BRDT: variants seen among roughly 807,000 people sequenced by gnomAD.
The protein encoded by BRDT is bromodomain testis-specific protein.
Under a neutral mutation model 113.9 loss-of-function variants are expected in BRDT, and 77 were observed. The ratio of observed to expected loss-of-function variants is 0.68; its 90% CI spans 0.56 to 0.82. The LOEUF is 0.82. BRDT is among the 40% of genes least tolerant of loss of function. The pLI, the probability that BRDT is intolerant of heterozygous loss-of-function variation, is 0.00. For synonymous variants in BRDT, 358 were observed against 366.5 expected, an observed-to-expected ratio of 0.98 and a Z score of 0.26; for missense variants, 1,027 against 1,105.4, an observed-to-expected ratio of 0.93 and a Z score of 1.01.
At chr1:91,976,821 C>A (rs977508409) in intron 5 of BRDT, among the ~76,000 whole-genome samples, 5 of 152,028 alleles carry the variant, frequency 3.3e-5, no homozygotes, top group African/African-American at 1.2e-4. Context: ...ACAAGACATT[C>A]TTTGGTATGT....
intron 3 of BRDT, 90 bp downstream of exon 3, chr1:91,964,854 A>G (rs757886846): frequency 3.4e-5 from 34 of 998,708 alleles, no homozygotes; most frequent in East Asian, 5.6e-5. Context: ...TCAGATTTCA[A>G]TTCTCTTCGT....
chr1:91,975,104 G>A (rs1199025469), intron 4 of BRDT, among the ~76,000 whole-genome samples: 1 of 152,050 alleles, frequency 6.6e-6, no homozygotes, highest in African/African-American at 2.4e-5. Flanking sequence ...ACACAGGAAG[G>A]GGAACATCAC....
At chr1:91,978,401 T>C (rs1433126690) in intron 7 of BRDT, 105 bp downstream of exon 7, 18 of 1,324,892 alleles carry the variant, frequency 1.4e-5, no homozygotes, top group Non-Finnish European at 1.0e-6. Context: ...CCTACACCTC[T>C]AAGTATTAAA....
At chr1:92,004,281 T>G (rs1036941820) in intron 16 of BRDT, 133 bp from the exon 17 acceptor site, 19 of 574,120 alleles carry the variant, frequency 3.3e-5, no homozygotes, top group Admixed American at 1.3e-4. Context: ...AGTAACCTTT[T>G]ACTTTAGTAA....
chr1:91,957,909 C>T (rs889229722), intron 1 of BRDT, among the ~76,000 whole-genome samples: 1 of 152,106 alleles, frequency 6.6e-6, no homozygotes, highest in African/African-American at 2.4e-5. Context: ...GTAGGGCCAT[C>T]TTGGCTCACA....
intron 3 of BRDT, among the ~76,000 whole-genome samples, chr1:91,965,450 A>G (rs1682962608): frequency 6.6e-6 from 1 of 152,204 alleles, no homozygotes; most frequent in Admixed American, 6.5e-5. Context: ...GAAAAGCCTT[A>G]GTATATACTA....
intron 4 of BRDT, among the ~76,000 whole-genome samples, chr1:91,973,705 A>G (rs1197975303): frequency 2.0e-5 from 3 of 152,162 alleles, no homozygotes; most frequent in Admixed American, 6.6e-5. Context: ...TTCTAGATAT[A>G]TAATCATGTC....
chr1:91,980,062 G>T (rs527549017), intron 8 of BRDT, among the ~76,000 whole-genome samples: 1 of 152,240 alleles, frequency 6.6e-6, no homozygotes, highest in South Asian at 2.1e-4. Flanking sequence ...TGCTTTTTAT[G>T]ATAAAATGTT....
chr1:91,956,841 A>C (rs1681824230), intron 1 of BRDT, among the ~76,000 whole-genome samples: 1 of 152,154 alleles, frequency 6.6e-6, no homozygotes, highest in East Asian at 1.9e-4. Context: ...CAGGAAACTG[A>C]GGGAGGAGGA....
At chr1:91,959,656 T>TTTTTTGCAGAGATGGGGGGTTTCATG (rs1334809234) in intron 1 of BRDT, among the ~76,000 whole-genome samples, 1 of 152,040 alleles carries the variant, frequency 6.6e-6, no homozygotes, top group Non-Finnish European at 1.5e-5. Context: ...GATTTTTGTA[T>TTTTTTGCAGAGATGGGGGGTTTCATG]TTTTTGCAGA....
intron 12 of BRDT, among the ~76,000 whole-genome samples, chr1:91,988,587 C>G (rs960799954): frequency 1.1e-4 from 16 of 151,544 alleles, no homozygotes; most frequent in African/African-American, 3.2e-4. Flanking sequence ...TTTTGGTAGG[C>G]GGGGGGTTTC....
chr1:91,994,024 C>T (rs1686038820), intron 14 of BRDT, 59 bp from the exon 15 acceptor site: 3 of 1,368,290 alleles, frequency 2.2e-6, no homozygotes, highest in Non-Finnish European at 2.9e-6. Context: ...TTTCTGTTCT[C>T]TTTGGTATAC....
chr1:91,994,299 C>G, intron 15 of BRDT, 45 bp downstream of exon 15: 2 of 1,448,818 alleles, frequency 1.4e-6, no homozygotes, highest in Non-Finnish European at 1.9e-6. Flanking sequence ...AAATTGACTT[C>G]TAAACCTATA....
intron 14 of BRDT, among the ~76,000 whole-genome samples, chr1:91,993,123 C>G (rs1685955232): frequency 6.6e-6 from 1 of 151,614 alleles, no homozygotes; most frequent in South Asian, 2.1e-4. Context: ...TGATTTTTTT[C>G]TTTGGCTGAT....
chr1:91,985,120 C>T (rs574714181), intron 12 of BRDT, among the ~76,000 whole-genome samples: 3 of 152,202 alleles, frequency 2.0e-5, no homozygotes, highest in East Asian at 3.9e-4. Context: ...CTCACTCTGT[C>T]GCCCAGGCTG....
intron 16 of BRDT, 65 bp from the exon 17 acceptor site, chr1:92,004,349 G>T: frequency 8.5e-7 from 1 of 1,174,368 alleles, no homozygotes; most frequent in Non-Finnish European, 1.2e-6. Flanking sequence ...ATCAAAAAAT[G>T]TTTTCTTCCT....
chr1:91,957,260 G>A (rs930359821), intron 1 of BRDT, among the ~76,000 whole-genome samples: 6 of 152,268 alleles, frequency 3.9e-5, no homozygotes, highest in South Asian at 4.1e-4. Context: ...TTGGGAGGCC[G>A]AGGCAGGCGG....
intron 12 of BRDT, among the ~76,000 whole-genome samples, chr1:91,987,008 G>A (rs1024303249): frequency 6.6e-6 from 1 of 151,400 alleles, no homozygotes; most frequent in Non-Finnish European, 1.5e-5. Context: ...CTCGATCTCA[G>A]CTAACTGCAA....
chr1:91,961,027 T>C (rs1041878430), intron 1 of BRDT, among the ~76,000 whole-genome samples: 3 of 152,202 alleles, frequency 2.0e-5, no homozygotes, highest in Middle Eastern at 3.2e-3. Context: ...TAAATCACTT[T>C]GGGTCGGGTG....
Sources: gnomAD v4.1 joint callset for allele counts (sites outside exome capture counted in the v4.1 genomes callset) on GRCh38, gnomAD v4.1.1 for gene constraint, MANE v1.5 for transcripts, NCBI Gene and HGNC (gene_info 2026-07-23, HGNC 2026-07-21) for gene names.